PRKN: variants seen among roughly 807,000 people sequenced by gnomAD.
PRKN encodes parkin RBR E3 ubiquitin protein ligase.
A neutral mutation model predicts 59.5 loss-of-function variants in PRKN; 56 were observed. The observed-to-expected ratio is 0.94, with a 90% CI of 0.76 to 1.18. The LOEUF is 1.18. PRKN is among the 50% of genes most tolerant of loss of function. The pLI is 0.00. For missense variants in PRKN, 657 were observed against 596.4 expected (o/e 1.10, Z -1.06); for synonymous variants, 250 against 222.1 (o/e 1.13, Z -1.12).
chr6:162,430,597 AT>A (rs1789473382), intron 2 of PRKN, among the ~76,000 whole-genome samples: 1 of 152,042 alleles, frequency 6.6e-6, no homozygotes, highest in Non-Finnish European at 1.5e-5. Context: ...ATATATATAT[AT>A]ATCTTGTAAA....
chr6:162,580,861 G>A (rs1780763744), intron 1 of PRKN, among the ~76,000 whole-genome samples: 1 of 152,290 alleles, frequency 6.6e-6, no homozygotes, highest in Non-Finnish European at 1.5e-5. Context: ...AGTATATAAC[G>A]CCTTTGCCAC....
rs538655614 is a variant in PRKN at position 162,026,216 on chromosome 6, C to T, written c.618+27875G>A. The stretch of plus-strand genomic sequence containing the variant: ...CGCAACTCCGTGAAGACAGAGAACT[C>T]TTATATGTATTCGCGTATTCATAGA... On this transcript the variant is annotated intron_variant, in intron 5 of 11. Coordinates refer to ENST00000366898, the MANE Select transcript of PRKN (RefSeq NM_004562.3). 7.2e-5 allele frequency among the ~76,000 whole-genome samples: 11 copies of T among 152,314 alleles called. No homozygotes were observed. The South Asian group carries it at 1.0e-3, about 14-fold the overall frequency.
Position 161,422,349 on chromosome 6 carries a change from C to T in PRKN, c.1084-35472G>A, listed in dbSNP as rs537955513. ...AAGCAGCTGGGACTACAGGCACCCA[C>T]CACCACACCCAGCTACTTTTCGTAT... On this transcript the variant is annotated intron_variant, in intron 9 of 11. Transcript: ENST00000366898. Among the ~76,000 whole-genome samples, 117 of 152,084 alleles carry T rather than the reference C, an allele frequency of 7.7e-4. 1 individual carries two copies. Among genetic ancestry groups the T allele is most frequent in the Non-Finnish European group, 1.1e-3 (72 of 67,996 alleles).
chr6:162,587,744 T>C (rs1295950625), intron 1 of PRKN, among the ~76,000 whole-genome samples: 1 of 152,052 alleles, frequency 6.6e-6, no homozygotes, highest in African/African-American at 2.4e-5. Context: ...TTTAAGAATA[T>C]CAAAATAAAC....
chr6:162,472,468 T>TATATATATATATATATC (rs1385821060), intron 1 of PRKN, among the ~76,000 whole-genome samples: 2 of 104,472 alleles, frequency 1.9e-5, no homozygotes, highest in African/African-American at 5.9e-5. Flanking sequence ...TTTTATTTTA[T>TATATATATATATATATC]TTTATTTTAT....
In PRKN at chr6:161,773,256, T is replaced by C. The variant is rs112282448; in HGVS notation, c.871+12516A>G. The stretch of plus-strand genomic sequence containing the variant: ...ATATGGCTCATAATAAATTTAAGAA[T>C]ACATCAAACCATTTAAAATGATATA... On this transcript the variant is annotated intron_variant, in intron 7 of 11. Transcript: ENST00000366898. Among the ~76,000 whole-genome samples the C allele has an allele frequency of 1.3e-5, 2 of 152,194 alleles. 1 individual carries two copies. Among genetic ancestry groups the C allele is most frequent in the African/African-American group, 4.8e-5 (2 of 41,442 alleles).
At chr6:161,822,663 G>A (rs1792079990) in intron 6 of PRKN, among the ~76,000 whole-genome samples, 1 of 151,928 alleles carries the variant, frequency 6.6e-6, no homozygotes, top group Non-Finnish European at 1.5e-5. Flanking sequence ...GCAACAGAGT[G>A]AAACGCTGTC....
At chr6:162,111,705 T>TA (rs200947128) in intron 4 of PRKN, among the ~76,000 whole-genome samples, 25,757 of 145,342 alleles carry the variant, frequency 0.18, 2,902 homozygotes, top group African/African-American at 0.33. Context: ...GTCTCACAAT[T>TA]AAAAAAAAAA....
chr6:161,619,584 A>C (rs1409398098), intron 7 of PRKN, among the ~76,000 whole-genome samples: 1 of 152,186 alleles, frequency 6.6e-6, no homozygotes, highest in Non-Finnish European at 1.5e-5. Context: ...CTGAAATATT[A>C]CTATTACCAT....
At chr6:161,781,033 T>C (rs924739111) in intron 7 of PRKN, among the ~76,000 whole-genome samples, 3 of 152,182 alleles carry the variant, frequency 2.0e-5, no homozygotes, top group Non-Finnish European at 4.4e-5. Context: ...TACTAAAACA[T>C]GGCTGAAGCT....
intron 7 of PRKN, among the ~76,000 whole-genome samples, chr6:161,662,064 T>TA (rs951134873): frequency 1.1e-3 from 163 of 151,964 alleles, no homozygotes; most frequent in African/African-American, 3.6e-3. Flanking sequence ...AGTAAATACT[T>TA]AAAAAAAATA....
chr6:162,201,621 G>A (rs1038928981), intron 3 of PRKN, among the ~76,000 whole-genome samples: 2 of 152,094 alleles, frequency 1.3e-5, no homozygotes, highest in African/African-American at 4.8e-5. Context: ...ATTCTATCTC[G>A]TGCTTCCAGA....
At chr6:161,698,170 A>T (rs139729523) in intron 7 of PRKN, among the ~76,000 whole-genome samples, 514 of 152,282 alleles carry the variant, frequency 3.4e-3, no homozygotes, top group African/African-American at 0.011. Context: ...ACACTTAAAG[A>T]TCTATATATT....
At chr6:161,896,892 G>T (rs1457605826) in intron 6 of PRKN, among the ~76,000 whole-genome samples, 1 of 152,186 alleles carries the variant, frequency 6.6e-6, no homozygotes, top group African/African-American at 2.4e-5. Context: ...GAGGACAGAA[G>T]AAAACCCGTC....
At chr6:162,624,511 G>A (rs1048068886) in intron 1 of PRKN, 6 of 152,134 alleles carry the variant, frequency 3.9e-5, no homozygotes, top group African/African-American at 9.7e-5. Flanking sequence ...AAATCACATC[G>A]GAAGCTGAAG....
intron 6 of PRKN, among the ~76,000 whole-genome samples, chr6:161,863,901 C>T (rs1205040786): frequency 6.6e-6 from 1 of 152,172 alleles, no homozygotes; most frequent in Non-Finnish European, 1.5e-5. Flanking sequence ...ATTAAGTGTA[C>T]AAGAGCATTA....
chr6:161,825,269 G>A (rs1286557057), intron 6 of PRKN, among the ~76,000 whole-genome samples: 1 of 151,902 alleles, frequency 6.6e-6, no homozygotes, highest in Non-Finnish European at 1.5e-5. Flanking sequence ...TGATTTTCCT[G>A]GTATCTACTG....
intron 7 of PRKN, among the ~76,000 whole-genome samples, chr6:161,703,819 A>ATC (rs1281347014): frequency 0.015 from 2,075 of 136,238 alleles, 32 homozygotes; most frequent in African/African-American, 0.026. Flanking sequence ...GAGGACACAC[A>ATC]TCTCTCTCTC....
intron 7 of PRKN, among the ~76,000 whole-genome samples, chr6:161,680,564 T>C (rs569885079): frequency 5.9e-5 from 9 of 151,636 alleles, no homozygotes; most frequent in Non-Finnish European, 1.0e-4. Flanking sequence ...TAAAATGGCA[T>C]GTGCTAATTT....
Sources: gnomAD v4.1 joint callset for allele counts (sites outside exome capture counted in the v4.1 genomes callset) on GRCh38, gnomAD v4.1.1 for gene constraint, MANE v1.5 for transcripts, NCBI Gene and HGNC (gene_info 2026-07-23, HGNC 2026-07-21) for gene names.